NCAPD2: variants seen among roughly 807,000 people sequenced by gnomAD.
NCAPD2 encodes the protein condensin complex subunit 1.
Under a neutral mutation model 164.5 loss-of-function variants are expected in NCAPD2, and 100 were observed. The ratio of observed to expected loss-of-function variants is 0.61; its 90% CI spans 0.52 to 0.72. The LOEUF (loss-of-function observed/expected upper bound fraction) is 0.72, where lower values mean the gene tolerates loss of function less well. Among genes scored for constraint, NCAPD2 ranks in the 30% least tolerant of loss-of-function variants. The probability of loss-of-function intolerance (pLI) is 0.00; values close to 1 mark genes in which losing one functional copy is unlikely to be tolerated. For missense variants in NCAPD2, 1,560 were observed against 1,749.2 expected (o/e 0.89, Z 1.93); for synonymous variants, 585 against 642.6 (o/e 0.91, Z 1.36).
intron 2 of NCAPD2, among the ~76,000 whole-genome samples, chr12:6,508,393 C>T (rs10744710): frequency 0.76 from 115,149 of 152,116 alleles, 43,771 homozygotes; most frequent in African/African-American, 0.82. Context: ...TGAAGGAGAT[C>T]GCAGAGACCA....
At chr12:6,500,827 C>T (rs896412204) in intron 2 of NCAPD2, among the ~76,000 whole-genome samples, 1 of 152,144 alleles carries the variant, frequency 6.6e-6, no homozygotes, top group Non-Finnish European at 1.5e-5. Context: ...AAAAGATTCA[C>T]TGGCGACTGT....
intron 2 of NCAPD2, among the ~76,000 whole-genome samples, chr12:6,504,182 CATATATATATATATATATAT>C (rs1176237960): frequency 3.5e-5 from 2 of 57,760 alleles, no homozygotes; most frequent in Non-Finnish European, 3.1e-5. Context: ...TATATATATA[CATATATATATATATATATAT>C]ATATATATAT....
At chr12:6,515,793 G>A (rs866100997) in intron 9 of NCAPD2, among the ~76,000 whole-genome samples, 2 of 152,178 alleles carry the variant, frequency 1.3e-5, no homozygotes, top group South Asian at 4.1e-4. Context: ...TATTGGACTT[G>A]CTGGCACTCT....
At position 6,526,310 on chromosome 12, in the gene NCAPD2, C is replaced by T; in HGVS notation, c.2505C>T (p.Pro835=). 3 of 1,614,182 alleles carry T rather than the reference C, an allele frequency of 1.9e-6. No homozygotes were observed. Among genetic ancestry groups the T allele is most frequent in the Non-Finnish European group, 1.7e-6 (2 of 1,180,048 alleles). Residue 835 remains proline, a synonymous_variant, in exon 20 of 32, where the codon CCC becomes CCT. Coordinates refer to ENST00000315579, the MANE Select transcript of NCAPD2 (RefSeq NM_014865.4). The part of the protein sequence containing the change: ...RRKPSLGKRH[P]PFRLPQEHRL... The stretch of plus-strand genomic sequence containing the variant: ...AGCCTTCTCTGGGCAAACGTCACCC[C>T]CCCTTCCGGCTGCCTCAGGAACACA...
chr12:6,513,715 CT>C (rs71067124), intron 6 of NCAPD2, among the ~76,000 whole-genome samples: 14,985 of 74,706 alleles, frequency 0.2, 2,018 homozygotes, highest in East Asian at 0.32. Context: ...GTGACTTTGT[CT>C]TTTTTTTTTT....
rs1198241773 is a variant in NCAPD2 at position 6,517,780 on chromosome 12, T to G, written c.1410T>G (p.Ser470=). The G allele has an allele frequency of 6.2e-7, 1 of 1,614,152 alleles. No individual in the cohort carries two copies. The highest frequency in any genetic ancestry group is 2.2e-5 in the East Asian group (1 of 44,878). ...MRAQRRTAAA[S]AVLDPEEEWE... Reference sequence around the variant, plus strand: ...AGACTAAGTGACACTCTCATTTAGCTGCAGTGCTGGACCCAGAGGAGGAGT... The same window carrying G: ...AGACTAAGTGACACTCTCATTTAGCGGCAGTGCTGGACCCAGAGGAGGAGT... The change falls in exon 13 of 32, where the codon TCT becomes TCG. Residue 470 remains serine, a splice_region_variant and synonymous_variant. Coordinates refer to ENST00000315579, the MANE Select transcript of NCAPD2 (RefSeq NM_014865.4).
chr12:6,513,713 G>GTTTTTTTTTTTTTTTTTTTTTTT (rs1303520172), intron 6 of NCAPD2, among the ~76,000 whole-genome samples: 1 of 50,124 alleles, frequency 2.0e-5, no homozygotes, highest in Non-Finnish European at 3.9e-5. Flanking sequence ...TGGTGACTTT[G>GTTTTTTTTTTTTTTTTTTTTTTT]TCTTTTTTTT....
intron 1 of NCAPD2, among the ~76,000 whole-genome samples, chr12:6,494,536 CATT>C (rs1945957712): frequency 6.6e-6 from 1 of 152,228 alleles, no homozygotes; most frequent in Admixed American, 6.5e-5. Context: ...AATAAATCAT[CATT>C]GTTAATGCTC....
At chr12:6,501,919 G>A (rs1354686572) in intron 2 of NCAPD2, among the ~76,000 whole-genome samples, 1 of 152,224 alleles carries the variant, frequency 6.6e-6, no homozygotes, top group Non-Finnish European at 1.5e-5. Flanking sequence ...TGGTAACCTT[G>A]ACAAAGCTGT....
Position 6,531,483 on chromosome 12 carries a change from T to C in NCAPD2, c.*71T>C. 1 of 1,578,442 alleles carries C rather than the reference T, an allele frequency of 6.3e-7. No homozygotes were observed. Among genetic ancestry groups the C allele is most frequent in the Non-Finnish European group, 8.6e-7 (1 of 1,163,740 alleles). On this transcript the variant is annotated 3_prime_UTR_variant, in exon 32 of 32. Transcript: ENST00000315579. The surrounding 1 kb of genome is among the most constrained non-coding windows in gnomAD (Gnocchi z 4.1). ...CCTGGAATTCGAATTCTGTTTCCCTTGTAAAATATTTGTCTGTCTCTTTTT... is the reference window on the plus strand; with the variant it reads ...CCTGGAATTCGAATTCTGTTTCCCTCGTAAAATATTTGTCTGTCTCTTTTT...
rs200908224 is a variant in NCAPD2, at chr12:6,531,003, T to A, written c.4047T>A (p.His1349Gln). ...AGCCCCGCCGTACTACCCGTCGGCA[T>A]CCAAACACCCAGCAGCGAGCTTCCA... is the stretch of plus-strand genomic sequence containing the variant. ...TPEPRRTTRR[H>Q]PNTQQRASKK... The change falls in exon 31 of 32, where the codon CAT (histidine) becomes CAA (glutamine). Residue 1349 changes from histidine to glutamine, a missense_variant. Physicochemically the swap from His to Gln is conservative, Grantham distance 24. Coordinates refer to ENST00000315579, the MANE Select transcript of NCAPD2 (RefSeq NM_014865.4). The surrounding 1 kb of genome is among the most constrained non-coding windows in gnomAD (Gnocchi z 4.1). 6.2e-7 allele frequency: 1 copy of A among 1,614,206 alleles called. No homozygotes were observed. The highest frequency in any genetic ancestry group is 8.5e-7 in the Non-Finnish European group (1 of 1,180,038).
intron 13 of NCAPD2, 101 bp from the exon 14 acceptor site, chr12:6,520,885 G>A: frequency 1.3e-6 from 2 of 1,510,594 alleles, no homozygotes; most frequent in Non-Finnish European, 1.8e-6. Context: ...CCTTTTCTCT[G>A]GGCAGTAGGT....
Position 6,526,242 on chromosome 12 carries a change from C to T in NCAPD2, c.2481+42C>T, listed in dbSNP as rs148846924. 7.6e-4 allele frequency: 1,227 copies of T among 1,614,084 alleles called. 22 individuals are homozygous for T. The East Asian group carries it at 0.022, about 29-fold the overall frequency. On this transcript the variant is annotated intron_variant, in intron 19 of 31. Coordinates refer to ENST00000315579, the MANE Select transcript of NCAPD2 (RefSeq NM_014865.4). ...CCAAACTAAGGAGAGTGGAGATTCT[C>T]GTGTCCACCCTGTACACACACCCAC...
intron 1 of NCAPD2, among the ~76,000 whole-genome samples, chr12:6,494,799 A>G (rs1945960382): frequency 6.6e-6 from 1 of 152,226 alleles, no homozygotes; most frequent in Admixed American, 6.5e-5. Flanking sequence ...TAAAGCCCAG[A>G]GGTTTAAGTG....
In NCAPD2 at chr12:6,510,770, C is replaced by A; in HGVS notation, c.404C>A (p.Ala135Asp). ...IRLLESFETM[A>D]SQTNLVDLDL... ...CTCCTGGAATCCTTTGAGACCATGG[C>A]CAGCCAGACAAACCTTGTGGACCTG... Residue 135 changes from alanine to aspartate, a missense_variant, in exon 5 of 32, where the codon GCC (alanine) becomes GAC (aspartate). Ala to Asp is a moderately radical substitution (Grantham distance 126, BLOSUM62 -2). Transcript: ENST00000315579. The A allele has an allele frequency of 6.2e-7, 1 of 1,614,122 alleles. No homozygotes were observed.
At chr12:6,530,445 C>T (rs181513380) in intron 29 of NCAPD2, among the ~76,000 whole-genome samples, 4 of 152,342 alleles carry the variant, frequency 2.6e-5, no homozygotes, top group African/African-American at 9.6e-5. Context: ...AAGAGTTTCA[C>T]TGCCTTACAA....
Position 6,510,628 on chromosome 12 carries a change from G to A in NCAPD2, c.263-1G>A. 6.2e-7 allele frequency: 1 copy of A among 1,614,158 alleles called. No homozygotes were observed. Among genetic ancestry groups the A allele is most frequent in the East Asian group, 2.2e-5 (1 of 44,892 alleles). ...TGACTCCAAGATTCTGCCCCTCACA[G>A]TGGTATCCCGCCACTCCCAGGAGCT... On this transcript the variant is annotated splice_acceptor_variant, in intron 4 of 31. Transcript: ENST00000315579. LOFTEE classifies it high-confidence loss of function.
chr12:6,522,776 A>C, intron 15 of NCAPD2, 52 bp from the exon 16 acceptor site: 1 of 1,588,838 alleles, frequency 6.3e-7, no homozygotes, highest in Non-Finnish European at 8.6e-7. Context: ...GTCGTTAGGT[A>C]TTGGGGGAGT....
intron 6 of NCAPD2, among the ~76,000 whole-genome samples, 173 bp downstream of exon 6, chr12:6,511,425 T>C (rs531170509): frequency 6.6e-6 from 1 of 151,726 alleles, no homozygotes; most frequent in African/African-American, 2.4e-5. Flanking sequence ...CTCTACCTCC[T>C]GGGTTCAAGC....
Sources: gnomAD v4.1 joint callset for allele counts (sites outside exome capture counted in the v4.1 genomes callset) on GRCh38, gnomAD v4.1.1 for gene constraint, Gnocchi (gnomAD v3.1) non-coding constraint, MANE v1.5 for transcripts, NCBI Gene and HGNC (gene_info 2026-07-23, HGNC 2026-07-21) for gene names.